The following IPO5 variants were observed in gnomAD, a reference collection of about 807,000 sequenced individuals.
IPO5 encodes the protein importin 5, also known as importin-5.
In IPO5, 18 loss-of-function variants were observed where a neutral mutation model predicts 143.3. That is an observed-to-expected ratio of 0.13 (90% confidence interval 0.09 to 0.19). The LOEUF is 0.19. IPO5 is among the 10% of genes least tolerant of loss of function. IPO5 has a pLI of 1.00. For missense variants in IPO5, 1,013 were observed against 1,336.9 expected (o/e 0.76, Z 3.78); for synonymous variants, 477 against 465.7 (o/e 1.02, Z -0.31).
intron 11 of IPO5, among the ~76,000 whole-genome samples, chr13:97,993,850 TTTTGTAGTGGTA>T (rs1267899874): frequency 6.6e-6 from 1 of 152,240 alleles, no homozygotes; most frequent in Non-Finnish European, 1.5e-5. Context: ...ACCAGATTTA[TTTTGTAGTGGTA>T]CCTACCTTTT....
chr13:97,961,681 T>A (rs61970431), intron 2 of IPO5, among the ~76,000 whole-genome samples: 1 of 152,260 alleles, frequency 6.6e-6, no homozygotes, highest in Non-Finnish European at 1.5e-5. Context: ...TGATGAATGA[T>A]GTTGCACATC....
chr13:97,982,236 T>A, intron 4 of IPO5: 1 of 340,466 alleles, frequency 2.9e-6, no homozygotes, highest in Non-Finnish European at 5.3e-6. Context: ...TTGAGTTTTG[T>A]TAACCAGGGA....
At position 97,982,587 on chromosome 13, in the gene IPO5, C is replaced by T. The variant is rs1328903005; in HGVS notation, c.171+4C>T. On this transcript the variant is annotated splice_donor_region_variant and intron_variant, in intron 5 of 28. Transcript: ENST00000651721. ...AAATACAACAGCTGCTGAAGAGGTA[C>T]TACCTTAATATTTGTGACTATTACA... 1 of 1,548,482 alleles carries T rather than the reference C, an allele frequency of 6.5e-7. No homozygotes were observed.
At chr13:97,987,308 T>A (rs889477710) in intron 6 of IPO5, 6 of 152,180 alleles carry the variant, frequency 3.9e-5, no homozygotes, top group African/African-American at 1.4e-4. Flanking sequence ...GCAGCTTGTT[T>A]AGATGGCATT....
chr13:97,962,988 T>C (rs554751893), intron 2 of IPO5, among the ~76,000 whole-genome samples: 2 of 152,168 alleles, frequency 1.3e-5, no homozygotes, highest in Non-Finnish European at 2.9e-5. Flanking sequence ...CAGGTGGAGA[T>C]TCGGGCAAGG....
At chr13:98,005,117 G>T (rs1889112348) in intron 16 of IPO5, among the ~76,000 whole-genome samples, 1 of 151,164 alleles carries the variant, frequency 6.6e-6, no homozygotes, top group South Asian at 2.1e-4. Context: ...GTCTGTTCTT[G>T]AACACCTGAC....
chr13:97,961,839 T>A (rs753522176), intron 2 of IPO5, among the ~76,000 whole-genome samples: 1 of 152,134 alleles, frequency 6.6e-6, no homozygotes, highest in Non-Finnish European at 1.5e-5. Context: ...ATAAGACATA[T>A]GATTTGTGGC....
At chr13:97,983,129 C>T (rs1418722943) in intron 5 of IPO5, among the ~76,000 whole-genome samples, 2 of 152,200 alleles carry the variant, frequency 1.3e-5, no homozygotes, top group African/African-American at 4.8e-5. Flanking sequence ...CTTCAGCCTC[C>T]GAAAGTGCTG....
At chr13:98,011,994 G>A (rs2139832148) in intron 20 of IPO5, among the ~76,000 whole-genome samples, 1 of 152,024 alleles carries the variant, frequency 6.6e-6, no homozygotes, top group South Asian at 2.1e-4. Context: ...AGCCTTTGAA[G>A]GGACAATATA....
At chr13:97,977,808 A>G (rs978226107) in intron 4 of IPO5, among the ~76,000 whole-genome samples, 2 of 152,208 alleles carry the variant, frequency 1.3e-5, no homozygotes, top group African/African-American at 4.8e-5. Context: ...TTGGTTATAT[A>G]TGGGGTTTTT....
intron 7 of IPO5, among the ~76,000 whole-genome samples, chr13:97,989,455 A>G (rs1887644652): frequency 6.6e-6 from 1 of 152,154 alleles, no homozygotes; most frequent in South Asian, 2.1e-4. Flanking sequence ...TTGGAGATTA[A>G]CACAATACTG....
chr13:97,964,783 C>T (rs189018361), intron 2 of IPO5, among the ~76,000 whole-genome samples: 3 of 152,122 alleles, frequency 2.0e-5, no homozygotes, highest in South Asian at 2.1e-4. Context: ...GACAGTGTGG[C>T]GATTCCTCAA....
intron 2 of IPO5, among the ~76,000 whole-genome samples, chr13:97,964,443 CTTTTTTTTTTT>C (rs369952371): frequency 1.8e-5 from 2 of 108,216 alleles, no homozygotes; most frequent in African/African-American, 3.3e-5. Context: ...CCATTTCTTT[CTTTTTTTTTTT>C]TTTTTTTTTT....
chr13:97,977,256 C>T (rs1250338072), intron 4 of IPO5, among the ~76,000 whole-genome samples: 2 of 152,216 alleles, frequency 1.3e-5, no homozygotes, highest in Non-Finnish European at 1.5e-5. Flanking sequence ...TACCCCTGCT[C>T]ATCTCCCACA....
At chr13:97,970,197 A>C (rs1885701389) in intron 3 of IPO5, among the ~76,000 whole-genome samples, 1 of 152,272 alleles carries the variant, frequency 6.6e-6, no homozygotes, top group African/African-American at 2.4e-5. Flanking sequence ...TACATTTAAC[A>C]ATAGTTTATC....
At position 98,023,425 on chromosome 13, in the gene IPO5, C is replaced by G. The variant is rs1432717001; in HGVS notation, c.*1603C>G. 1 of 152,200 alleles carries G rather than the reference C, an allele frequency of 6.6e-6. No homozygotes were observed. Among genetic ancestry groups the G allele is most frequent in the Non-Finnish European group, 1.5e-5 (1 of 68,032 alleles). The allele number at this position is 152,200 out of a possible 1,614,324, so 9.4% of individuals were successfully genotyped here. On this transcript the variant is annotated 3_prime_UTR_variant, in exon 29 of 29. Transcript: ENST00000651721. Reference sequence around the variant, plus strand: ...TTATGTAGCATCTGCAAAGCCGATTCATGTACTGATGCCAATCAGCTAGAG... The same window carrying G: ...TTATGTAGCATCTGCAAAGCCGATTGATGTACTGATGCCAATCAGCTAGAG...
At chr13:98,005,989 C>T in intron 16 of IPO5, 141 bp from the exon 17 acceptor site, 1 of 628,666 alleles carries the variant, frequency 1.6e-6, no homozygotes, top group Non-Finnish European at 2.8e-6. Context: ...TCCTCCAAAA[C>T]CTACAGTCTC....
At position 98,019,585 on chromosome 13, in the gene IPO5, A is replaced by G. The variant is rs1890346407; in HGVS notation, c.2841A>G (p.Ala947=). Residue 947 remains alanine (A), a synonymous_variant, in exon 27 of 29, where the codon GCA becomes GCG. Transcript: ENST00000651721. ...TCTTTCAAATGCTTATTTTAGAAGCACTTCCCCTGCTGGTAAGAGTTATTC... is the reference window on the plus strand; with the variant it reads ...TCTTTCAAATGCTTATTTTAGAAGCGCTTCCCCTGCTGGTAAGAGTTATTC... The part of the protein sequence containing the change: ...GDNYRPFCTE[A]LPLLVRVIQS... The G allele has an allele frequency of 1.2e-6, 2 of 1,609,990 alleles. No homozygotes were observed. The highest frequency in any genetic ancestry group is 1.7e-5 in the Admixed American group (1 of 59,886).
intron 9 of IPO5, 54 bp downstream of exon 9, chr13:97,990,591 G>T (rs568690607): frequency 2.1e-4 from 202 of 981,214 alleles, no homozygotes; most frequent in Non-Finnish European, 2.8e-4. Context: ...GTTCTTTAAT[G>T]CATTCAATCA....
Sources: gnomAD v4.1 joint callset for allele counts (sites outside exome capture counted in the v4.1 genomes callset) on GRCh38, gnomAD v4.1.1 for gene constraint, MANE v1.5 for transcripts, NCBI Gene and HGNC (gene_info 2026-07-23, HGNC 2026-07-21) for gene names.